The following AFF3 variants were observed in gnomAD, a reference collection of about 807,000 sequenced individuals.
The protein encoded by AFF3 is ALF transcription elongation factor 3, also known as AF4/FMR2 family member 3.
A neutral mutation model predicts 129.7 loss-of-function variants in AFF3; 32 were observed. The observed-to-expected ratio is 0.25, with a 90% CI of 0.19 to 0.33. AFF3 has a LOEUF of 0.33. AFF3 is among the 10% of genes least tolerant of loss of function. The pLI, the probability that AFF3 is intolerant of heterozygous loss-of-function variation, is 1.00. For synonymous variants in AFF3, 644 were observed against 635.4 expected (o/e 1.01, Z -0.20); for missense variants, 1,373 against 1,592.0 (o/e 0.86, Z 2.34).
At chr2:99,874,765 C>A (rs769366058) in intron 7 of AFF3, among the ~76,000 whole-genome samples, 1 of 151,950 alleles carries the variant, frequency 6.6e-6, no homozygotes, top group Non-Finnish European at 1.5e-5. Context: ...AGTATTATAT[C>A]GAAGTTAAAT....
At chr2:100,039,104 C>G (rs964237198) in intron 4 of AFF3, among the ~76,000 whole-genome samples, 1 of 152,164 alleles carries the variant, frequency 6.6e-6, no homozygotes, top group African/African-American at 2.4e-5. Flanking sequence ...AAAAGGTCAG[C>G]AGTGTCTAAA....
chr2:99,723,327 G>C (rs1679075546), intron 11 of AFF3, among the ~76,000 whole-genome samples: 1 of 152,160 alleles, frequency 6.6e-6, no homozygotes, highest in African/African-American at 2.4e-5. Context: ...TTTAAAGGAG[G>C]CCATGAAGAA....
chr2:99,751,724 C>A (rs1416272883), intron 9 of AFF3, among the ~76,000 whole-genome samples: 1 of 151,886 alleles, frequency 6.6e-6, no homozygotes, highest in East Asian at 1.9e-4. Context: ...TATTTTGTGG[C>A]CAATTTTTTG....
intron 11 of AFF3, among the ~76,000 whole-genome samples, chr2:99,688,089 G>A (rs538003976): frequency 7.9e-5 from 12 of 152,208 alleles, no homozygotes; most frequent in Admixed American, 3.9e-4. Flanking sequence ...TGATCCGCCC[G>A]CCTCGGCCTC....
At chr2:99,869,518 T>C (rs1576233811) in intron 7 of AFF3, among the ~76,000 whole-genome samples, 1 of 152,110 alleles carries the variant, frequency 6.6e-6, no homozygotes, top group East Asian at 1.9e-4. Context: ...ACTAATACAA[T>C]CTTGGAAATT....
At chr2:99,898,934 T>C (rs533849592) in intron 7 of AFF3, among the ~76,000 whole-genome samples, 1 of 152,284 alleles carries the variant, frequency 6.6e-6, no homozygotes, top group Non-Finnish European at 1.5e-5. Flanking sequence ...CCCAGTCTCC[T>C]TCCTGTTTCC....
At chr2:99,698,384 G>A (rs1676511389) in intron 11 of AFF3, among the ~76,000 whole-genome samples, 1 of 152,202 alleles carries the variant, frequency 6.6e-6, no homozygotes, top group Admixed American at 6.5e-5. Flanking sequence ...CAGCATTGGG[G>A]TGCTGGGGGG....
At chr2:99,895,081 C>T (rs543232313) in intron 7 of AFF3, among the ~76,000 whole-genome samples, 64 of 152,302 alleles carry the variant, frequency 4.2e-4, no homozygotes, top group Non-Finnish European at 8.2e-4. Context: ...CATGATTACA[C>T]CACGATTTAC....
At chr2:100,080,668 T>C (rs963050309) in intron 4 of AFF3, among the ~76,000 whole-genome samples, 1 of 152,010 alleles carries the variant, frequency 6.6e-6, no homozygotes, top group African/African-American at 2.4e-5. Context: ...CACTAACCAG[T>C]GTGCCTCAAT....
At chr2:99,925,252 A>C (rs185540530) in intron 7 of AFF3, among the ~76,000 whole-genome samples, 1 of 151,656 alleles carries the variant, frequency 6.6e-6, no homozygotes, top group Non-Finnish European at 1.5e-5. Flanking sequence ...ATTATTGTAC[A>C]TTTTTTTTCC....
At chr2:99,611,455 A>G (rs1193178762) in intron 13 of AFF3, among the ~76,000 whole-genome samples, 1 of 152,154 alleles carries the variant, frequency 6.6e-6, no homozygotes, top group African/African-American at 2.4e-5. Context: ...CACTAATGCG[A>G]TGTTGGCAGG....
chr2:99,928,720 G>A lies in AFF3; in HGVS notation c.873+77912C>T, dbSNP rs78650637. ...AACCAGAAAACAAGATGCAGCCTCCGGAGGCCGGTCTTGGCCATGTGCTGG... is the reference window on the plus strand; with the variant it reads ...AACCAGAAAACAAGATGCAGCCTCCAGAGGCCGGTCTTGGCCATGTGCTGG... On this transcript the variant is annotated intron_variant, in intron 7 of 24. Coordinates refer to ENST00000672756, the MANE Select transcript of AFF3 (RefSeq NM_001386135.1). Among the ~76,000 whole-genome samples, 1,319 of 152,262 alleles carry A rather than the reference G, an allele frequency of 8.7e-3. 7 individuals carry two copies. The highest frequency in any genetic ancestry group is 0.031 in the Middle Eastern group (9 of 294).
At chr2:99,897,731 C>G (rs1020009370) in intron 7 of AFF3, among the ~76,000 whole-genome samples, 1 of 152,122 alleles carries the variant, frequency 6.6e-6, no homozygotes, top group African/African-American at 2.4e-5. Context: ...ATTTGACAGT[C>G]CTTTCTGATA....
intron 8 of AFF3, among the ~76,000 whole-genome samples, chr2:99,828,266 A>G (rs1688248921): frequency 6.6e-6 from 1 of 152,186 alleles, no homozygotes; most frequent in Non-Finnish European, 1.5e-5. Flanking sequence ...GCTGGTGAAC[A>G]TTGCATTGAT....
intron 10 of AFF3, among the ~76,000 whole-genome samples, chr2:99,735,600 C>G (rs1328265756): frequency 6.6e-6 from 1 of 152,070 alleles, no homozygotes; most frequent in Non-Finnish European, 1.5e-5. Context: ...TCAAGCGATT[C>G]TCCTGCCTCA....
intron 7 of AFF3, among the ~76,000 whole-genome samples, chr2:99,902,732 AT>A (rs1231485588): frequency 6.6e-6 from 1 of 152,204 alleles, no homozygotes; most frequent in African/African-American, 2.4e-5. Context: ...AATTAAATTG[AT>A]TTTAACGAAG....
chr2:99,829,149 C>T (rs939137506), intron 8 of AFF3, among the ~76,000 whole-genome samples: 1 of 152,108 alleles, frequency 6.6e-6, no homozygotes, highest in Admixed American at 6.5e-5. Context: ...ATATTAAACA[C>T]TGAAAAAATG....
rs569949090 is a variant in AFF3 at position 99,596,005 on chromosome 2, C to T, written c.1372-1716G>A. Reference sequence around the variant, plus strand: ...CCAGAATGAGGATGAAGGCCCCTTCCCTGGGCTGTGAGGATGCGGAAGCCC... The same window carrying T: ...CCAGAATGAGGATGAAGGCCCCTTCTCTGGGCTGTGAGGATGCGGAAGCCC... On this transcript the variant is annotated intron_variant, in intron 14 of 24. Coordinates refer to ENST00000672756, the MANE Select transcript of AFF3 (RefSeq NM_001386135.1). Among the ~76,000 whole-genome samples the T allele has an allele frequency of 5.9e-5, 9 of 152,326 alleles. No individual in the cohort carries two copies. In the South Asian group the frequency reaches 1.9e-3, roughly 32 times the overall value.
intron 7 of AFF3, among the ~76,000 whole-genome samples, chr2:99,908,146 C>T (rs914018413): frequency 6.6e-6 from 1 of 152,156 alleles, no homozygotes. Flanking sequence ...CTATTTGCCA[C>T]TGAACATAGT....
Sources: allele counts gnomAD v4.1 joint callset (sites outside exome capture counted in the v4.1 genomes callset), GRCh38; gene constraint gnomAD v4.1.1; transcripts MANE v1.5; gene names NCBI Gene and HGNC (gene_info 2026-07-23, HGNC 2026-07-21).